The following DNAH17 variants were observed in gnomAD, a reference collection of about 807,000 sequenced individuals.
DNAH17 encodes axonemal beta dynein heavy chain 17.
Under a neutral mutation model 485.6 loss-of-function variants are expected in DNAH17, and 376 were observed. The observed-to-expected ratio is 0.77, with a 90% CI of 0.71 to 0.84. The LOEUF (loss-of-function observed/expected upper bound fraction) is 0.84. Ranked by LOEUF, DNAH17 falls within the 40% of genes least tolerant of loss-of-function variation. DNAH17 has a pLI of 0.00. For missense variants in DNAH17, 6,370 were observed against 5,839.3 expected, an observed-to-expected ratio of 1.09 and a Z score of -2.96; for synonymous variants, 3,031 against 2,405.9, an observed-to-expected ratio of 1.26 and a Z score of -7.60.
chr17:78,435,132 G>C (rs1026347494), intron 74 of DNAH17, among the ~76,000 whole-genome samples: 1 of 152,118 alleles, frequency 6.6e-6, no homozygotes, highest in African/African-American at 2.4e-5. Flanking sequence ...AGACTGGCCT[G>C]GCCAGTCCCT....
intron 11 of DNAH17, among the ~76,000 whole-genome samples, chr17:78,565,613 C>T (rs1257973996): frequency 6.6e-6 from 1 of 152,182 alleles, no homozygotes; most frequent in Non-Finnish European, 1.5e-5. Context: ...GCAGTCAAGC[C>T]CAGAACTCAT....
intron 64 of DNAH17, 80 bp from the exon 65 acceptor site, chr17:78,453,545 T>G: frequency 1.3e-6 from 2 of 1,571,136 alleles, no homozygotes; most frequent in Non-Finnish European, 1.7e-6. Flanking sequence ...CAGCAGCCCC[T>G]GCCCTCTGAG....
chr17:78,450,580 G>A lies in DNAH17; in HGVS notation c.10899+102C>T, dbSNP rs533370607. On this transcript the variant is annotated intron_variant, in intron 67 of 80. Coordinates refer to ENST00000389840, the MANE Select transcript of DNAH17 (RefSeq NM_173628.4). ...TGGGCCCACTCGGGCACGTATGACC[G>A]AAGCTGCTTTTCTCCTTTCTCATGG... 420 of 1,471,388 alleles carry A rather than the reference G, an allele frequency of 2.9e-4. 6 individuals carry two copies. In the South Asian group the frequency reaches 4.8e-3, roughly 17 times the overall value. 91.1% of individuals were successfully genotyped at this position (1,471,388 alleles called of 1,614,324 possible). A position where few individuals can be genotyped will look rare whatever the true frequency, so the allele number is the denominator to read the frequency against.
chr17:78,555,224 G>C (rs1012968683), intron 14 of DNAH17, among the ~76,000 whole-genome samples: 3 of 152,140 alleles, frequency 2.0e-5, no homozygotes, highest in African/African-American at 7.2e-5. Context: ...ATGTGTAGCA[G>C]GATTCCGTCC....
chr17:78,571,819 G>T, intron 3 of DNAH17, 37 bp from the exon 4 acceptor site: 1 of 1,536,272 alleles, frequency 6.5e-7, no homozygotes, highest in South Asian at 1.3e-5. Flanking sequence ...CTCTCATGGC[G>T]ACACACACGT....
At chr17:78,509,960 T>TC (rs1365219021) in intron 27 of DNAH17, among the ~76,000 whole-genome samples, 2 of 152,038 alleles carry the variant, frequency 1.3e-5, no homozygotes, top group Non-Finnish European at 2.9e-5. Context: ...GGCGAGCGGG[T>TC]CAGTTGAAGT....
At chr17:78,534,193 T>C (rs1195258685) in intron 19 of DNAH17, among the ~76,000 whole-genome samples, 1 of 152,174 alleles carries the variant, frequency 6.6e-6, no homozygotes, top group African/African-American at 2.4e-5. Flanking sequence ...CAGGGTCAGG[T>C]ACCAGACAAC....
In DNAH17 at chr17:78,450,358, C is replaced by T. The variant is rs143100405; in HGVS notation, c.10936G>A (p.Glu3646Lys). 1.2e-4 allele frequency: 196 copies of T among 1,613,960 alleles called. 1 individual carries two copies. The highest frequency in any genetic ancestry group is 8.2e-4 in the Middle Eastern group (5 of 6,062). ...GCCGGGCGGTAGTTCTCTCTCGCTT[C>T]GTTGATTTTAACTTCTGTGATTTTT... ...EAKITEVKINEARENYRPAAE... is the reference protein window; with the variant it reads ...EAKITEVKINKARENYRPAAE... Residue 3646 changes from glutamate to lysine, a missense_variant, in exon 68 of 81, where the codon GAA becomes AAA. By Grantham distance (56) the Glu-to-Lys change is moderately conservative. Coordinates refer to ENST00000389840, the MANE Select transcript of DNAH17 (RefSeq NM_173628.4).
chr17:78,537,633 C>G (rs1177642601), intron 18 of DNAH17, among the ~76,000 whole-genome samples, 152 bp from the exon 19 acceptor site: 1 of 152,204 alleles, frequency 6.6e-6, no homozygotes, highest in African/African-American at 2.4e-5. Context: ...GCGCACCCCG[C>G]TCCTTGAGCA....
Position 78,445,559 on chromosome 17 carries a change from T to C in DNAH17, c.11333A>G (p.Lys3778Arg). 1.3e-6 allele frequency: 2 copies of C among 1,561,810 alleles called. No individual in the cohort carries two copies. Among genetic ancestry groups the C allele is most frequent in the Non-Finnish European group, 1.7e-6 (2 of 1,152,562 alleles). The stretch of plus-strand genomic sequence containing the variant: ...CGTGTTCAACGTCTAAAGACGAACC[T>C]TGATCCCGCCCCAGCCTTGATGCTG... ...FLQHQGWGGI[K>R]ALSEMDEFKN... Residue 3778 changes from lysine (K) to arginine (R), a missense_variant and splice_region_variant, in exon 70 of 81, where the codon AAG (lysine) becomes AGG (arginine). Coordinates refer to ENST00000389840, the MANE Select transcript of DNAH17 (RefSeq NM_173628.4).
intron 51 of DNAH17, among the ~76,000 whole-genome samples, chr17:78,477,960 CCATCACCACCACCAT>C (rs1568117084): frequency 6.9e-6 from 1 of 145,708 alleles, no homozygotes; most frequent in East Asian, 2.0e-4. Context: ...ATCATCTCCA[CCATCACCACCACCAT>C]CATCATCACC....
rs690993 is a variant in DNAH17, at chr17:78,491,266, T to C, written c.6669+177A>G. Among the ~76,000 whole-genome samples, 99,937 of 152,186 alleles carry C rather than the reference T, an allele frequency of 0.66. 32,844 individuals are homozygous for C. Among genetic ancestry groups the C allele is most frequent in the East Asian group, 0.73 (3,782 of 5,168 alleles). ...GAGGCGCATGCAAAACCACAACGCA[T>C]GTGACAAAGTCTCACGACAAGGTGC... On this transcript the variant is annotated intron_variant, in intron 43 of 80. Transcript: ENST00000389840.
At chr17:78,548,569 G>GT (rs1307696109) in intron 16 of DNAH17, among the ~76,000 whole-genome samples, 1 of 152,050 alleles carries the variant, frequency 6.6e-6, no homozygotes, top group Non-Finnish European at 1.5e-5. Context: ...GTCGGTCTGT[G>GT]TTTTTCTGAG....
intron 34 of DNAH17, 89 bp from the exon 35 acceptor site, chr17:78,501,433 C>A (rs964140368): frequency 1.4e-6 from 2 of 1,460,472 alleles, no homozygotes; most frequent in Non-Finnish European, 1.8e-6. Flanking sequence ...AAGGCCGGTC[C>A]CCTGCTGCCC....
Position 78,428,645 on chromosome 17 carries a change from G to T in DNAH17, c.12468C>A (p.His4156Gln). ...PPESPYLYGLHPNAEIGFLTV... is the reference protein window; with the variant it reads ...PPESPYLYGLQPNAEIGFLTV... ...TCAGAAAGCCAATCTCTGCGTTGGG[G>T]TGCAGGCCATACAGATAGGGACTCT... Residue 4156 changes from histidine (H) to glutamine (Q), a missense_variant, in exon 77 of 81, where the codon CAC becomes CAA. His to Gln is a conservative substitution (Grantham distance 24, BLOSUM62 0). Coordinates refer to ENST00000389840, the MANE Select transcript of DNAH17 (RefSeq NM_173628.4). The T allele has an allele frequency of 6.2e-7, 1 of 1,613,986 alleles. No homozygotes were observed. Among genetic ancestry groups the T allele is most frequent in the South Asian group, 1.1e-5 (1 of 91,084 alleles).
chr17:78,567,620 G>C (rs1375575910), intron 9 of DNAH17, among the ~76,000 whole-genome samples: 1 of 152,152 alleles, frequency 6.6e-6, no homozygotes, highest in Non-Finnish European at 1.5e-5. Context: ...TGTCCCGAAG[G>C]TGATCCAAGA....
rs775874131 is a variant in DNAH17, at chr17:78,566,698, G to T, written c.1485C>A (p.Ile495=). 4.4e-6 allele frequency: 7 copies of T among 1,608,762 alleles called. No homozygotes were observed. Among genetic ancestry groups the T allele is most frequent in the East Asian group, 4.5e-5 (2 of 44,826 alleles). ...NFDRDYADFE[I]KIQDLDRRLA... ...GCCTCCTATCCAGGTCTTGGATTTT[G>T]ATCTCAAAATCAGCATAATCACGGT... The change falls in exon 11 of 81, where the codon ATC becomes ATA. Residue 495 remains isoleucine (I), a synonymous_variant. Transcript: ENST00000389840.
chr17:78,484,812 C>G (rs1001030835), intron 48 of DNAH17, 56 bp downstream of exon 48: 247 of 1,373,294 alleles, frequency 1.8e-4, no homozygotes, highest in Non-Finnish European at 2.3e-4. Context: ...CCCGCCCTGG[C>G]CCCGCCCTCA....
intron 19 of DNAH17, 29 bp downstream of exon 19, chr17:78,537,270 G>T: frequency 6.5e-7 from 1 of 1,548,040 alleles, no homozygotes; most frequent in Non-Finnish European, 8.7e-7. Flanking sequence ...GGATGACCCT[G>T]TGTACGGCCA....
Sources: gnomAD v4.1 joint callset for allele counts (sites outside exome capture counted in the v4.1 genomes callset) on GRCh38, gnomAD v4.1.1 for gene constraint, MANE v1.5 for transcripts, NCBI Gene and HGNC (gene_info 2026-07-23, HGNC 2026-07-21) for gene names.